STPG2: variants seen among roughly 807,000 people sequenced by gnomAD.
STPG2 encodes sperm tail PG-rich repeat containing 2, also known as sperm-tail PG-rich repeat-containing protein 2.
STPG2 carries 56 observed loss-of-function variants against 54.2 expected under a neutral mutation model. The observed-to-expected ratio is 1.03, with a 90% CI of 0.83 to 1.29. The LOEUF is 1.29. STPG2 is among the 50% of genes most tolerant of loss of function. The probability of loss-of-function intolerance (pLI) is 0.00; values close to 1 mark genes in which losing one functional copy is unlikely to be tolerated. For missense variants in STPG2, 596 were observed against 544.9 expected (o/e 1.09, Z -0.93); for synonymous variants, 200 against 181.8 (o/e 1.10, Z -0.81).
At chr4:97,746,593 A>G (rs147136894) in intron 9 of STPG2, among the ~76,000 whole-genome samples, 126 of 151,462 alleles carry the variant, frequency 8.3e-4, no homozygotes, top group African/African-American at 2.8e-3. Context: ...GAGAGTGCAT[A>G]TAATATGAGA....
chr4:97,499,294 C>T (rs1313556264), intron 4 of STPG2, among the ~76,000 whole-genome samples: 1 of 151,908 alleles, frequency 6.6e-6, no homozygotes, highest in African/African-American at 2.4e-5. Context: ...CATCTCATAG[C>T]ATGAATTACA....
At chr4:97,742,339 A>G (rs951921472) in intron 9 of STPG2, among the ~76,000 whole-genome samples, 8 of 151,880 alleles carry the variant, frequency 5.3e-5, no homozygotes, top group African/African-American at 1.7e-4. Flanking sequence ...TATTGTGCAC[A>G]TGTACCCTAA....
At chr4:97,744,222 C>A (rs543561695) in intron 9 of STPG2, among the ~76,000 whole-genome samples, 2 of 151,210 alleles carry the variant, frequency 1.3e-5, no homozygotes, top group African/African-American at 4.8e-5. Flanking sequence ...AACATTATTT[C>A]CTATAAAAAT....
chr4:97,677,176 C>A (rs1011459239), intron 10 of STPG2, among the ~76,000 whole-genome samples: 6 of 152,034 alleles, frequency 3.9e-5, no homozygotes, highest in African/African-American at 1.4e-4. Context: ...GCTCATAAAC[C>A]ATAAAATGTT....
At chr4:97,475,102 A>G (rs1469672792) in intron 4 of STPG2, among the ~76,000 whole-genome samples, 2 of 152,034 alleles carry the variant, frequency 1.3e-5, no homozygotes, top group Non-Finnish European at 2.9e-5. Flanking sequence ...AAAATATTGA[A>G]TAAACATCTT....
intron 9 of STPG2, among the ~76,000 whole-genome samples, chr4:97,757,949 T>C (rs988167865): frequency 1.3e-5 from 2 of 152,224 alleles, no homozygotes; most frequent in Non-Finnish European, 2.9e-5. Context: ...ACAAAGTTGC[T>C]TGTAAATGTT....
intron 9 of STPG2, among the ~76,000 whole-genome samples, chr4:97,752,559 T>A (rs1725610898): frequency 6.6e-6 from 1 of 151,854 alleles, no homozygotes; most frequent in African/African-American, 2.4e-5. Context: ...GGCACCCAAC[T>A]GCATAGAAGA....
intron 5 of STPG2, among the ~76,000 whole-genome samples, chr4:98,071,771 G>A (rs193168383): frequency 4.6e-5 from 7 of 152,146 alleles, no homozygotes; most frequent in Admixed American, 1.3e-4. Context: ...CTTCTCAAAG[G>A]AAGACATTCA....
Position 97,793,370 on chromosome 4 carries a change from T to TATACACAC in STPG2, c.1204+47402_1204+47403insGTGTGTAT, listed in dbSNP as rs1316581246. Among the ~76,000 whole-genome samples the TATACACAC allele has an allele frequency of 1.3e-3, 192 of 147,968 alleles. 1 individual carries two copies. Among genetic ancestry groups the TATACACAC allele is most frequent in the African/African-American group, 4.6e-3 (186 of 40,624 alleles). On this transcript the variant is annotated intron_variant, in intron 9 of 10. Transcript: ENST00000295268. Reference sequence around the variant, plus strand: ...ATATATAAAATTAGAGTTTTATATATACACACACACACACACACACACACA... The same window carrying TATACACAC: ...ATATATAAAATTAGAGTTTTATATATATACACACACACACACACACACACACACACACA...
chr4:98,097,126 G>A (rs554366709), intron 5 of STPG2, among the ~76,000 whole-genome samples: 195 of 152,154 alleles, frequency 1.3e-3, no homozygotes, highest in Non-Finnish European at 2.5e-3. Flanking sequence ...ATTCTATGAG[G>A]CCAGTATTAC....
At chr4:97,583,318 C>CA (rs146057711) in intron 10 of STPG2, among the ~76,000 whole-genome samples, 225 of 152,092 alleles carry the variant, frequency 1.5e-3, no homozygotes, top group African/African-American at 5.1e-3. Flanking sequence ...AGCTACTGTA[C>CA]ACTGTCAGTT....
At chr4:98,009,298 C>T (rs1735665462) in intron 5 of STPG2, among the ~76,000 whole-genome samples, 1 of 151,666 alleles carries the variant, frequency 6.6e-6, no homozygotes, top group Non-Finnish European at 1.5e-5. Flanking sequence ...TTTTTTATCT[C>T]AAGATATCTT....
intron 10 of STPG2, among the ~76,000 whole-genome samples, chr4:97,582,093 T>C (rs753774422): frequency 3.9e-5 from 6 of 152,002 alleles, no homozygotes; most frequent in Non-Finnish European, 7.4e-5. Context: ...CATTCAACAC[T>C]GGCTCCTGGA....
intron 9 of STPG2, among the ~76,000 whole-genome samples, chr4:97,781,544 T>A (rs756888810): frequency 4.6e-5 from 7 of 152,050 alleles, no homozygotes; most frequent in Non-Finnish European, 7.4e-5. Flanking sequence ...ACTATTCCAA[T>A]CAATAGAAAA....
intron 7 of STPG2, among the ~76,000 whole-genome samples, chr4:97,949,709 C>T (rs1560605646): frequency 6.6e-6 from 1 of 152,098 alleles, no homozygotes; most frequent in Admixed American, 6.6e-5. Context: ...AAAGATAGGA[C>T]CCCAGTCCCT....
In STPG2 at chr4:97,778,376, G is replaced by A. The variant is rs897723927; in HGVS notation, c.1204+62397C>T. On this transcript the variant is annotated intron_variant, in intron 9 of 10. Coordinates refer to ENST00000295268, the MANE Select transcript of STPG2 (RefSeq NM_174952.3). ...TGAGATCGAATGGCAAGGTGGCAGC[G>A]AGGCTGGGGGAGGGGCGTCCAACAT... 3.9e-5 allele frequency among the ~76,000 whole-genome samples: 6 copies of A among 152,176 alleles called. No homozygotes were observed. In the South Asian group the frequency reaches 6.2e-4, roughly 16 times the overall value.
At chr4:97,772,483 A>G (rs1726250383) in intron 9 of STPG2, among the ~76,000 whole-genome samples, 1 of 152,202 alleles carries the variant, frequency 6.6e-6, no homozygotes, top group Non-Finnish European at 1.5e-5. Flanking sequence ...AACTTTAGGA[A>G]GAATAAATCC....
At position 97,818,327 on chromosome 4, in the gene STPG2, A is replaced by C. The variant is rs1295779756; in HGVS notation, c.1204+22446T>G. On this transcript the variant is annotated intron_variant, in intron 9 of 10. Transcript: ENST00000295268. ...CCCTATAAATACTATGTTTTTTCCT[A>C]TATATACATATCCATAATAAAGTTT... 7.2e-5 allele frequency among the ~76,000 whole-genome samples: 11 copies of C among 151,908 alleles called. No individual in the cohort carries two copies. The East Asian group carries it at 2.1e-3, about 29-fold the overall frequency.
Position 98,052,534 on chromosome 4 carries a change from A to G in STPG2, c.612+53419T>C, listed in dbSNP as rs573673582. 3.3e-5 allele frequency among the ~76,000 whole-genome samples: 5 copies of G among 152,334 alleles called. No individual in the cohort carries two copies. The South Asian group carries it at 1.0e-3, about 32-fold the overall frequency. ...TATAGGTATGATAGAGTTTTAAATT[A>G]AATATGTTTTTATGTTTTGTTGATG... is the stretch of plus-strand genomic sequence containing the variant. On this transcript the variant is annotated intron_variant, in intron 5 of 10. Coordinates refer to ENST00000295268, the MANE Select transcript of STPG2 (RefSeq NM_174952.3).
Sources: allele counts gnomAD v4.1 joint callset (sites outside exome capture counted in the v4.1 genomes callset), GRCh38; gene constraint gnomAD v4.1.1; transcripts MANE v1.5; gene names NCBI Gene and HGNC (gene_info 2026-07-23, HGNC 2026-07-21).